The following CAMTA1 variants were observed in gnomAD, a reference collection of about 807,000 sequenced individuals.
CAMTA1 encodes calmodulin binding transcription activator 1.
Under a neutral mutation model 170.9 loss-of-function variants are expected in CAMTA1, and 27 were observed. The observed-to-expected ratio is 0.16, with a 90% CI of 0.12 to 0.22. The LOEUF is 0.22. CAMTA1 is among the 10% of genes least tolerant of loss of function. CAMTA1 has a pLI of 1.00. For missense variants in CAMTA1, 1,619 were observed against 2,217.2 expected (o/e 0.73, Z 5.42); for synonymous variants, 833 against 891.5 (o/e 0.93, Z 1.17).
In CAMTA1 at chr1:7,343,325, G is replaced by A. The variant is rs537100099; in HGVS notation, c.438+93699G>A. On this transcript the variant is annotated intron_variant, in intron 5 of 22. Transcript: ENST00000303635. ...GGATTGTGGGGCTCATGGCACACGGGTGATTGATGACAACATCACTCTCCA... is the reference window on the plus strand; with the variant it reads ...GGATTGTGGGGCTCATGGCACACGGATGATTGATGACAACATCACTCTCCA... Among the ~76,000 whole-genome samples, 27 of 152,278 alleles carry A rather than the reference G, an allele frequency of 1.8e-4. No homozygotes were observed. The East Asian group carries it at 5.0e-3, about 28-fold the overall frequency.
At chr1:7,042,554 A>G (rs1194128597) in intron 3 of CAMTA1, among the ~76,000 whole-genome samples, 1 of 152,208 alleles carries the variant, frequency 6.6e-6, no homozygotes, top group Non-Finnish European at 1.5e-5. Flanking sequence ...AGCTTTTGCT[A>G]AAAACCTCCC....
chr1:7,552,793 G>GT (rs988851710), intron 6 of CAMTA1, among the ~76,000 whole-genome samples: 1 of 152,246 alleles, frequency 6.6e-6, no homozygotes, highest in African/African-American at 2.4e-5. Context: ...GGAGGCCCCT[G>GT]CCACAGCTCC....
At chr1:7,689,674 C>G (rs138505101) in intron 11 of CAMTA1, among the ~76,000 whole-genome samples, 93 of 152,218 alleles carry the variant, frequency 6.1e-4, no homozygotes, top group Admixed American at 1.9e-3. Flanking sequence ...ATAGTCCAAT[C>G]TCCTCATTCT....
chr1:7,100,799 G>C (rs764499254), intron 4 of CAMTA1, among the ~76,000 whole-genome samples: 3 of 152,224 alleles, frequency 2.0e-5, no homozygotes, highest in Non-Finnish European at 4.4e-5. Flanking sequence ...TCTTGGGGAC[G>C]GCCAGGGCCA....
chr1:7,412,710 G>C lies in CAMTA1; in HGVS notation c.439-55120G>C, dbSNP rs1219209457. Among the ~76,000 whole-genome samples the C allele has an allele frequency of 9.2e-5, 14 of 152,052 alleles. No homozygotes were observed. In the East Asian group the frequency reaches 2.7e-3, roughly 29 times the overall value. On this transcript the variant is annotated intron_variant, in intron 5 of 22. Transcript: ENST00000303635. ...TTTTCTCCCATTTTGTAGGTTGCCT[G>C]TTCACTCTGATGGTAGTTTCTTTTG...
intron 6 of CAMTA1, among the ~76,000 whole-genome samples, chr1:7,542,628 G>T (rs1262088225): frequency 7.0e-6 from 1 of 143,008 alleles, no homozygotes; most frequent in Non-Finnish European, 1.5e-5. Context: ...CTCCTGAGTA[G>T]CTGGGATTAC....
intron 7 of CAMTA1, among the ~76,000 whole-genome samples, chr1:7,644,754 C>T (rs2095791461): frequency 6.6e-6 from 1 of 152,182 alleles, no homozygotes; most frequent in South Asian, 2.1e-4. Flanking sequence ...TATGGTTACT[C>T]CTAGTTGCAA....
intron 6 of CAMTA1, among the ~76,000 whole-genome samples, chr1:7,492,624 C>CACAG (rs2093725218): frequency 6.7e-6 from 1 of 150,142 alleles, no homozygotes; most frequent in African/African-American, 2.5e-5. Context: ...AATGTACATA[C>CACAG]ACGCGCACAC....
intron 22 of CAMTA1, among the ~76,000 whole-genome samples, chr1:7,760,831 G>A (rs1577492784): frequency 6.6e-6 from 1 of 152,174 alleles, no homozygotes; most frequent in East Asian, 1.9e-4. Context: ...TTGACGTCCA[G>A]CATTGCGAGA....
intron 4 of CAMTA1, among the ~76,000 whole-genome samples, chr1:7,137,733 C>G (rs957585649): frequency 6.6e-6 from 1 of 152,158 alleles, no homozygotes; most frequent in Non-Finnish European, 1.5e-5. Flanking sequence ...CTCCCTCCCT[C>G]GTTTCCTTCA....
intron 6 of CAMTA1, among the ~76,000 whole-genome samples, chr1:7,527,374 C>T (rs2094442861): frequency 6.6e-6 from 1 of 152,218 alleles, no homozygotes; most frequent in African/African-American, 2.4e-5. Flanking sequence ...AGAGTCATCC[C>T]TGGGCTAGAA....
chr1:7,323,979 G>A (rs1258016055), intron 5 of CAMTA1, among the ~76,000 whole-genome samples: 4 of 152,138 alleles, frequency 2.6e-5, no homozygotes, highest in Non-Finnish European at 5.9e-5. Flanking sequence ...GTTCTGTGGT[G>A]CAATGCCCTA....
Position 7,286,565 on chromosome 1 carries a change from AATC to A in CAMTA1, c.438+36942_438+36944del, listed in dbSNP as rs1672378571. Among the ~76,000 whole-genome samples, 1 of 152,216 alleles carries A rather than the reference AATC, an allele frequency of 6.6e-6. No homozygotes were observed. Among genetic ancestry groups the A allele is most frequent in the Non-Finnish European group, 1.5e-5 (1 of 68,042 alleles). ...ACCTGTGGCTGACGTTAATGCACAG[AATC>A]ATTGTAGTATCAATGCAGGATTTTG... On this transcript the variant is annotated intron_variant, in intron 5 of 22. Transcript: ENST00000303635. The surrounding 1 kb of genome is among the most constrained non-coding windows in gnomAD (Gnocchi z 4.2).
intron 4 of CAMTA1, among the ~76,000 whole-genome samples, chr1:7,124,025 G>T (rs1329255974): frequency 6.6e-6 from 1 of 152,212 alleles, no homozygotes; most frequent in African/African-American, 2.4e-5. Context: ...CTTGGCCAGA[G>T]GTGGGTTGGG....
chr1:7,260,027 A>G (rs1667942073), intron 5 of CAMTA1, among the ~76,000 whole-genome samples: 1 of 152,278 alleles, frequency 6.6e-6, no homozygotes, highest in Non-Finnish European at 1.5e-5. Context: ...AGGGCCAGAC[A>G]GTAAATCTTT....
At chr1:7,449,740 A>G (rs1040350036) in intron 5 of CAMTA1, among the ~76,000 whole-genome samples, 8 of 142,260 alleles carry the variant, frequency 5.6e-5, no homozygotes, top group Non-Finnish European at 9.0e-5. Flanking sequence ...ACTACACTCC[A>G]GTCTGGGCAA....
intron 6 of CAMTA1, among the ~76,000 whole-genome samples, chr1:7,492,614 A>AATGT (rs1434423733): frequency 1.2e-5 from 1 of 81,740 alleles, no homozygotes; most frequent in Non-Finnish European, 2.2e-5. Context: ...CACACACACA[A>AATGT]ATGTACATAC....
chr1:7,658,445 A>C (rs973476722), intron 7 of CAMTA1, among the ~76,000 whole-genome samples: 4 of 152,102 alleles, frequency 2.6e-5, no homozygotes, highest in African/African-American at 9.7e-5. Flanking sequence ...GACCAATGAC[A>C]TCAGAATCTC....
chr1:7,568,875 T>A (rs376488741), intron 6 of CAMTA1, among the ~76,000 whole-genome samples: 1 of 148,322 alleles, frequency 6.7e-6, no homozygotes, highest in East Asian at 2.1e-4. Flanking sequence ...AACATCACCA[T>A]CATCACCGCA....
Sources: allele counts gnomAD v4.1 joint callset (sites outside exome capture counted in the v4.1 genomes callset), GRCh38; gene constraint gnomAD v4.1.1; non-coding constraint Gnocchi (gnomAD v3.1); transcripts MANE v1.5; gene names NCBI Gene and HGNC (gene_info 2026-07-23, HGNC 2026-07-21).